The following RORA variants were observed in gnomAD, a reference collection of about 807,000 sequenced individuals.
The protein encoded by RORA is RAR related orphan receptor A.
A neutral mutation model predicts 69.5 loss-of-function variants in RORA; 7 were observed. That is an observed-to-expected ratio of 0.10 (90% CI 0.06 to 0.19). The LOEUF (loss-of-function observed/expected upper bound fraction) is 0.19, where lower values mean the gene tolerates loss of function less well. Ranked by LOEUF, RORA falls within the 10% of genes least tolerant of loss-of-function variation. The probability of loss-of-function intolerance (pLI) is 1.00; values close to 1 mark genes in which losing one functional copy is unlikely to be tolerated. For missense variants in RORA, 457 were observed against 663.0 expected, an observed-to-expected ratio of 0.69 and a Z score of 3.41; for synonymous variants, 261 against 240.8, an observed-to-expected ratio of 1.08 and a Z score of -0.78.
intron 1 of RORA, among the ~76,000 whole-genome samples, chr15:60,717,388 C>T (rs2071234170): frequency 6.6e-6 from 1 of 152,198 alleles, no homozygotes; most frequent in Non-Finnish European, 1.5e-5. Flanking sequence ...AACAGCAGCA[C>T]CCTCTTCTCT....
chr15:61,069,948 A>G (rs543112571), intron 1 of RORA, among the ~76,000 whole-genome samples: 1 of 152,310 alleles, frequency 6.6e-6, no homozygotes, highest in East Asian at 1.9e-4. Flanking sequence ...CACAGTCTCT[A>G]ATACCTTGTA....
intron 2 of RORA, among the ~76,000 whole-genome samples, chr15:60,653,839 C>T (rs1043981077): frequency 2.6e-5 from 4 of 151,976 alleles, no homozygotes; most frequent in African/African-American, 9.7e-5. Context: ...TCTTCCTTCT[C>T]CATGTTGGCT....
At chr15:61,122,771 A>G in intron 1 of RORA, among the ~76,000 whole-genome samples, 1 of 152,140 alleles carries the variant, frequency 6.6e-6, no homozygotes, top group East Asian at 1.9e-4. Flanking sequence ...GCTAACGTCC[A>G]CATCTGTACC....
At chr15:60,941,417 C>T (rs1052055206) in intron 1 of RORA, among the ~76,000 whole-genome samples, 3 of 152,208 alleles carry the variant, frequency 2.0e-5, no homozygotes, top group African/African-American at 7.2e-5. Flanking sequence ...GCTATTAGGA[C>T]CCCAGGGCCA....
intron 1 of RORA, among the ~76,000 whole-genome samples, chr15:60,793,655 G>A (rs535818100): frequency 6.6e-6 from 1 of 152,332 alleles, no homozygotes; most frequent in Admixed American, 6.5e-5. Context: ...CAGAGAGTAA[G>A]GAAGCCTTGA....
intron 1 of RORA, among the ~76,000 whole-genome samples, chr15:60,934,476 G>GTTGTTA (rs1385390769): frequency 6.6e-6 from 1 of 151,478 alleles, no homozygotes; most frequent in African/African-American, 2.4e-5. Flanking sequence ...GTTTGTTGTT[G>GTTGTTA]TTGTTGTTGT....
intron 9 of RORA, among the ~76,000 whole-genome samples, chr15:60,500,311 C>T (rs187380694): frequency 2.6e-5 from 4 of 152,182 alleles, no homozygotes; most frequent in East Asian, 1.9e-4. Context: ...CATGGCCCCT[C>T]GAGACGTTCT....
intron 1 of RORA, among the ~76,000 whole-genome samples, chr15:61,223,553 G>C (rs1289540543): frequency 6.6e-6 from 1 of 152,088 alleles, no homozygotes; most frequent in Non-Finnish European, 1.5e-5. Flanking sequence ...TTTCCAAGTG[G>C]GGATCAAGAT....
chr15:61,019,786 T>A (rs908327914), intron 1 of RORA, among the ~76,000 whole-genome samples: 2 of 152,220 alleles, frequency 1.3e-5, no homozygotes, highest in Non-Finnish European at 2.9e-5. Context: ...CTGATGGGGT[T>A]CCTGATGTCG....
chr15:60,577,960 T>C (rs1188150981), intron 2 of RORA, among the ~76,000 whole-genome samples: 2 of 152,244 alleles, frequency 1.3e-5, no homozygotes, highest in South Asian at 2.1e-4. Context: ...GGTTGATGTA[T>C]GTGAAGAAAA....
chr15:60,827,928 G>A (rs193115726), intron 1 of RORA, among the ~76,000 whole-genome samples: 26 of 152,286 alleles, frequency 1.7e-4, no homozygotes, highest in Non-Finnish European at 3.7e-4. Context: ...ATTCATGTTA[G>A]TAACCCCTGG....
At chr15:60,955,408 A>T (rs1433907846) in intron 1 of RORA, among the ~76,000 whole-genome samples, 4 of 152,252 alleles carry the variant, frequency 2.6e-5, no homozygotes, top group African/African-American at 4.8e-5. Context: ...ATGATAATAC[A>T]TACAAAACAT....
At chr15:60,695,319 A>T (rs2070886286) in intron 1 of RORA, among the ~76,000 whole-genome samples, 1 of 152,210 alleles carries the variant, frequency 6.6e-6, no homozygotes, top group Non-Finnish European at 1.5e-5. Flanking sequence ...AACTTAGCCC[A>T]ACCCTTAGCA....
chr15:61,045,087 GC>G (rs1160351758), intron 1 of RORA, among the ~76,000 whole-genome samples: 1 of 152,138 alleles, frequency 6.6e-6, no homozygotes, highest in Non-Finnish European at 1.5e-5. Context: ...ATACGGTTTG[GC>G]TGTGTCTCCA....
intron 3 of RORA, among the ~76,000 whole-genome samples, chr15:60,516,324 C>T (rs1211709310): frequency 7.6e-6 from 1 of 131,610 alleles, no homozygotes; most frequent in Non-Finnish European, 1.6e-5. Context: ...GTCTTGAACT[C>T]CTGGCCTTAA....
At chr15:61,014,494 T>C (rs578049738) in intron 1 of RORA, among the ~76,000 whole-genome samples, 32 of 152,344 alleles carry the variant, frequency 2.1e-4, no homozygotes, top group South Asian at 1.0e-3. Context: ...TTTTGATTTA[T>C]TGAGGTCACT....
intron 1 of RORA, among the ~76,000 whole-genome samples, chr15:60,770,652 C>T (rs928171825): frequency 6.6e-6 from 1 of 152,090 alleles, no homozygotes; most frequent in Admixed American, 6.5e-5. Context: ...CATTTTGTTG[C>T]CCAGGCTGGA....
chr15:60,980,632 C>T (rs940429625), intron 1 of RORA, among the ~76,000 whole-genome samples: 2 of 151,976 alleles, frequency 1.3e-5, no homozygotes, highest in African/African-American at 4.8e-5. Flanking sequence ...AGGACTTTGT[C>T]CATTTTATGT....
intron 1 of RORA, among the ~76,000 whole-genome samples, chr15:60,930,114 A>G (rs766589839): frequency 2.6e-5 from 4 of 152,086 alleles, no homozygotes; most frequent in African/African-American, 9.7e-5. Context: ...TTTAATTTTA[A>G]TTTATTGAAA....
Sources: gnomAD v4.1 joint callset for allele counts (sites outside exome capture counted in the v4.1 genomes callset) on GRCh38, gnomAD v4.1.1 for gene constraint, MANE v1.5 for transcripts, NCBI Gene and HGNC (gene_info 2026-07-23, HGNC 2026-07-21) for gene names.